Variants in PXN observed in about 807,000 individuals in gnomAD.
PXN encodes paxillin, also known as testicular tissue protein Li 134.
In PXN, 61 loss-of-function variants were observed where a neutral mutation model predicts 103.6. The observed-to-expected ratio is 0.59, with a 90% CI of 0.48 to 0.73. PXN has a LOEUF of 0.73. PXN is among the 30% of genes least tolerant of loss of function. The pLI, the probability that PXN is intolerant of heterozygous loss-of-function variation, is 0.00. For synonymous variants in PXN, 562 were observed against 607.8 expected, an observed-to-expected ratio of 0.92 and a Z score of 1.11; for missense variants, 1,274 against 1,460.3, an observed-to-expected ratio of 0.87 and a Z score of 2.08.
In PXN at chr12:120,228,861, C is replaced by CA; in HGVS notation, c.14-4485dup. Among the ~76,000 whole-genome samples, 1 of 152,358 alleles carries CA rather than the reference C, an allele frequency of 6.6e-6. No individual in the cohort carries two copies. The highest frequency in any genetic ancestry group is 1.5e-5 in the Non-Finnish European group (1 of 68,030). Reference sequence around the variant, plus strand: ...TCGGAGCAACAGCATGGAACAGCTGCAGCTTTGGGTCGGGAGGCCGCCCTG... The same window carrying CA: ...TCGGAGCAACAGCATGGAACAGCTGCAAGCTTTGGGTCGGGAGGCCGCCCTG... On this transcript the variant is annotated intron_variant, in intron 1 of 14. Transcript: ENST00000637617. This position sits in a 1 kb window ranked among gnomAD's most constrained non-coding sequence, Gnocchi z 4.7.
rs1299380112 is a variant in PXN at position 120,236,500 on chromosome 12, C to T, written c.14-12123G>A. On this transcript the variant is annotated intron_variant, in intron 1 of 14. Transcript: ENST00000637617. Reference sequence around the variant, plus strand: ...TCTTTTTTTTTTTTTTTTTTTGAGACGGAGTCTCACTCTGTCGCCCAGGCT... The same window carrying T: ...TCTTTTTTTTTTTTTTTTTTTGAGATGGAGTCTCACTCTGTCGCCCAGGCT... 7.3e-5 allele frequency among the ~76,000 whole-genome samples: 10 copies of T among 137,868 alleles called. No homozygotes were observed. The East Asian group carries it at 8.5e-4, about 12-fold the overall frequency. The allele number at this position is 137,868 out of a possible 152,430, so 90.4% of individuals were successfully genotyped here. A position where few individuals can be genotyped will look rare whatever the true frequency, so the allele number is the denominator to read the frequency against.
Position 120,224,498 on chromosome 12 carries a change from G to A in PXN, c.14-121C>T, listed in dbSNP as rs539362811. 8.5e-5 allele frequency: 69 copies of A among 810,492 alleles called. No individual in the cohort carries two copies. In the Middle Eastern group the frequency reaches 3.3e-3, roughly 39 times the overall value. The allele number at this position is 810,492 out of a possible 1,614,324, so 50.2% of individuals were successfully genotyped here. On this transcript the variant is annotated intron_variant, in intron 1 of 14. Transcript: ENST00000637617. The surrounding 1 kb of genome is among the most constrained non-coding windows in gnomAD (Gnocchi z 5.0). ...CTTCTAGCACCTGCCCCACCCATGG[G>A]AGAAATGACCAGCCTTGGGACAGGA...
chr12:120,247,263 T>C (rs1420515650), intron 1 of PXN, among the ~76,000 whole-genome samples: 1 of 152,192 alleles, frequency 6.6e-6, no homozygotes, highest in Non-Finnish European at 1.5e-5. Flanking sequence ...AAGACACAGA[T>C]AGATTCAGTA....
At chr12:120,226,037 G>A (rs987535093) in intron 1 of PXN, 198 of 1,082,604 alleles carry the variant, frequency 1.8e-4, no homozygotes, top group Non-Finnish European at 2.1e-4. Flanking sequence ...CCATGGAGGA[G>A]GCCTGGCTTC....
At chr12:120,249,780 G>A (rs1891850775) in intron 1 of PXN, 2 of 862,932 alleles carry the variant, frequency 2.3e-6, no homozygotes, top group Non-Finnish European at 2.8e-6. Context: ...AGAGAGAAGG[G>A]GGAGGAGTTC....
At chr12:120,241,755 T>C (rs1426852655) in intron 1 of PXN, among the ~76,000 whole-genome samples, 1 of 151,650 alleles carries the variant, frequency 6.6e-6, no homozygotes, top group Non-Finnish European at 1.5e-5. Context: ...GGAAGAGGAG[T>C]CAAGGGCCGA....
Position 120,219,120 on chromosome 12 carries a change from T to G in PXN, c.1716+87A>C. 1 of 1,321,664 alleles carries G rather than the reference T, an allele frequency of 7.6e-7. No homozygotes were observed. Among genetic ancestry groups the G allele is most frequent in the Non-Finnish European group, 1.0e-6 (1 of 994,182 alleles). 81.9% of individuals were successfully genotyped at this position (1,321,664 alleles called of 1,614,324 possible). ...TCTGCCCAAGCAGACATGCGCAGAG[T>G]GGGAGGCTGCATGCAGTTAGCGAGG... On this transcript the variant is annotated intron_variant, in intron 7 of 14. Coordinates refer to ENST00000637617, the MANE Select transcript of PXN (RefSeq NM_001385981.1). The surrounding 1 kb of genome is among the most constrained non-coding windows in gnomAD (Gnocchi z 6.5).
At chr12:120,255,960 G>T (rs1032587907) in intron 1 of PXN, among the ~76,000 whole-genome samples, 3 of 149,546 alleles carry the variant, frequency 2.0e-5, no homozygotes, top group Non-Finnish European at 3.0e-5. Flanking sequence ...GGGGGGTTGG[G>T]GGGGGTGGGG....
intron 1 of PXN, among the ~76,000 whole-genome samples, chr12:120,227,327 C>T (rs1311966179): frequency 1.3e-5 from 2 of 152,100 alleles, no homozygotes; most frequent in African/African-American, 2.4e-5. Context: ...ACAGTGAAAC[C>T]CCATCTCTAC....
rs557259295 is a variant in PXN at position 120,216,493 on chromosome 12, G to A, written c.2081C>T (p.Thr694Ile). 9.8e-5 allele frequency: 136 copies of A among 1,394,078 alleles called. No homozygotes were observed. The African/African-American group carries it at 1.4e-3, about 14-fold the overall frequency. 86.4% of individuals were successfully genotyped at this position (1,394,078 alleles called of 1,614,324 possible). A position where few individuals can be genotyped will look rare whatever the true frequency, so the allele number is the denominator to read the frequency against. ...SPSVPLLQHRTDAAASSSSPL... is the reference protein window; with the variant it reads ...SPSVPLLQHRIDAAASSSSPL... ...AGAAGAGCTGCTGGCCGCGGCGTCT[G>A]TGCGATGCTGGAGCAAAGGGACAGA... Residue 694 changes from threonine to isoleucine, a missense_variant, in exon 9 of 15, where the codon ACA (threonine) becomes ATA (isoleucine). Physicochemically the swap from Thr to Ile is moderately conservative, Grantham distance 89. Around this residue, in one of 2 missense-constraint regions of PXN, gnomAD observed 1,178 missense variants for 1,309.0 expected, o/e 0.90. Coordinates refer to ENST00000637617, the MANE Select transcript of PXN (RefSeq NM_001385981.1). This position sits in a 1 kb window ranked among gnomAD's most constrained non-coding sequence, Gnocchi z 5.1.
rs751177317 is a variant in PXN at position 120,223,703 on chromosome 12, A to G, written c.356+15T>C. ...AAGCAGGAGGGAAGGTGCCCTGGGCAGACTGGGGCAGTACCTGTAGACGTG... is the reference window on the plus strand; with the variant it reads ...AAGCAGGAGGGAAGGTGCCCTGGGCGGACTGGGGCAGTACCTGTAGACGTG... On this transcript the variant is annotated intron_variant, in intron 3 of 14. Transcript: ENST00000637617. The G allele has an allele frequency of 3.2e-6, 5 of 1,545,108 alleles. No individual in the cohort carries two copies. The East Asian group carries it at 1.2e-4, about 37-fold the overall frequency.
Position 120,265,662 on chromosome 12 carries a change from C to T in PXN, c.-33G>A. On this transcript the variant is annotated 5_prime_UTR_variant, in exon 1 of 15. Transcript: ENST00000637617. This position sits in a 1 kb window ranked among gnomAD's most constrained non-coding sequence, Gnocchi z 5.7. ...CCACGGGCGCCGGCTCAGGGTCGCG[C>T]TAGCTGCCCGTCCCGGGGCCGCTCG... 1 of 1,457,130 alleles carries T rather than the reference C, an allele frequency of 6.9e-7. No homozygotes were observed. The highest frequency in any genetic ancestry group is 9.0e-7 in the Non-Finnish European group (1 of 1,108,484). 90.3% of individuals were successfully genotyped at this position (1,457,130 alleles called of 1,614,324 possible). A position where few individuals can be genotyped will look rare whatever the true frequency, so the allele number is the denominator to read the frequency against.
Position 120,223,678 on chromosome 12 carries a change from A to G in PXN, c.356+40T>C, listed in dbSNP as rs773122813. 9.6e-6 allele frequency: 14 copies of G among 1,461,328 alleles called. No individual in the cohort carries two copies. The South Asian group carries it at 1.6e-4, about 17-fold the overall frequency. The allele number at this position is 1,461,328 out of a possible 1,614,324, so 90.5% of individuals were successfully genotyped here. A position where few individuals can be genotyped will look rare whatever the true frequency, so the allele number is the denominator to read the frequency against. ...CCCTGGCCAGGTCCCTGAGATTTCT[A>G]AGCAGGAGGGAAGGTGCCCTGGGCA... is the stretch of plus-strand genomic sequence containing the variant. On this transcript the variant is annotated intron_variant, in intron 3 of 14. Transcript: ENST00000637617.
chr12:120,219,552 G>A lies in PXN; in HGVS notation c.1371C>T (p.Ser457=). 1 of 1,579,312 alleles carries A rather than the reference G, an allele frequency of 6.3e-7. No individual in the cohort carries two copies. The highest frequency in any genetic ancestry group is 8.5e-7 in the Non-Finnish European group (1 of 1,170,424). Reference sequence around the variant, plus strand: ...CAGCTGGCTCTGTTACTTCTTGGAAGCTTCGAGCAGCTCCAGAGGGGGGCA... The same window carrying A: ...CAGCTGGCTCTGTTACTTCTTGGAAACTTCGAGCAGCTCCAGAGGGGGGCA... The part of the protein sequence containing the change: ...ERMPPSGAAR[S]FQEVTEPAVV... Residue 457 remains serine (S), a synonymous_variant, in exon 7 of 15, where the codon AGC becomes AGT. Coordinates refer to ENST00000637617, the MANE Select transcript of PXN (RefSeq NM_001385981.1). The surrounding 1 kb of genome is among the most constrained non-coding windows in gnomAD (Gnocchi z 6.5).
At chr12:120,255,788 G>A (rs960677124) in intron 1 of PXN, among the ~76,000 whole-genome samples, 1 of 151,918 alleles carries the variant, frequency 6.6e-6, no homozygotes, top group Admixed American at 6.6e-5. Flanking sequence ...GCTCACATCT[G>A]TAATTCCAAC....
intron 1 of PXN, chr12:120,226,403 C>T (rs1420368015): frequency 8.5e-6 from 11 of 1,289,194 alleles, no homozygotes; most frequent in South Asian, 4.9e-5. Flanking sequence ...GGTATAACTG[C>T]GGTTCAGAGG....
At position 120,221,594 on chromosome 12, in the gene PXN, G is replaced by A; in HGVS notation, c.831+29C>T. The A allele has an allele frequency of 6.5e-7, 1 of 1,548,904 alleles. No homozygotes were observed. Among genetic ancestry groups the A allele is most frequent in the South Asian group, 1.2e-5 (1 of 83,650 alleles). ...AGAAGGATGAGGGAGGGGCGGCAGGGCAGGGAAGATGGAGGGTTCACAGGG... is the reference window on the plus strand; with the variant it reads ...AGAAGGATGAGGGAGGGGCGGCAGGACAGGGAAGATGGAGGGTTCACAGGG... On this transcript the variant is annotated intron_variant, in intron 6 of 14. Coordinates refer to ENST00000637617, the MANE Select transcript of PXN (RefSeq NM_001385981.1). The surrounding 1 kb of genome is among the most constrained non-coding windows in gnomAD (Gnocchi z 6.6).
rs1384235319 is a variant in PXN at position 120,224,718 on chromosome 12, A to T, written c.14-341T>A. The T allele has an allele frequency of 3.6e-6, 2 of 553,080 alleles. No homozygotes were observed. Among genetic ancestry groups the T allele is most frequent in the South Asian group, 3.1e-5 (2 of 65,416 alleles). The allele number at this position is 553,080 out of a possible 1,614,324, so 34.3% of individuals were successfully genotyped here. ...AGCCGCGAGTGAAGTGCCTGTCTGG[A>T]ACTCTGAATCTGCAGGGCAACGCGG... is the stretch of plus-strand genomic sequence containing the variant. On this transcript the variant is annotated intron_variant, in intron 1 of 14. Coordinates refer to ENST00000637617, the MANE Select transcript of PXN (RefSeq NM_001385981.1). The surrounding 1 kb of genome is among the most constrained non-coding windows in gnomAD (Gnocchi z 5.0).
chr12:120,251,329 C>A (rs1055494648), intron 1 of PXN, among the ~76,000 whole-genome samples: 1 of 151,232 alleles, frequency 6.6e-6, no homozygotes, highest in Non-Finnish European at 1.5e-5. Context: ...ACCAGCCTGG[C>A]GAACATGGTG....
Sources: gnomAD v4.1 joint callset for allele counts (sites outside exome capture counted in the v4.1 genomes callset) on GRCh38, gnomAD v4.1.1 for gene constraint, gnomAD v4.1.1 regional missense constraint, Gnocchi (gnomAD v3.1) non-coding constraint, MANE v1.5 for transcripts, NCBI Gene and HGNC (gene_info 2026-07-23, HGNC 2026-07-21) for gene names.